FHIT: variants seen among roughly 807,000 people sequenced by gnomAD.
FHIT encodes fragile histidine triad diadenosine triphosphatase.
A neutral mutation model predicts 17.9 loss-of-function variants in FHIT; 19 were observed. That is an observed-to-expected ratio of 1.06 (90% CI 0.74 to 1.56). FHIT has a LOEUF of 1.56. Ranked by LOEUF, FHIT falls within the 40% of genes most tolerant of loss-of-function variation. FHIT has a pLI of 0.00. For synonymous variants in FHIT, 81 were observed against 69.7 expected (o/e 1.16, Z -0.81); for missense variants, 248 against 189.2 (o/e 1.31, Z -1.82).
At chr3:61,086,178 A>G (rs1413722274) in intron 2 of FHIT, among the ~76,000 whole-genome samples, 1 of 152,134 alleles carries the variant, frequency 6.6e-6, no homozygotes, top group Non-Finnish European at 1.5e-5. Context: ...TCTCAGACCT[A>G]ATCTTAGGGC....
chr3:60,201,353 T>C (rs1702896555), intron 5 of FHIT, among the ~76,000 whole-genome samples: 1 of 152,096 alleles, frequency 6.6e-6, no homozygotes, highest in Non-Finnish European at 1.5e-5. Context: ...CACAATACTA[T>C]CTATTTTTTA....
At chr3:59,996,380 CCTGA>C (rs1699512134) in intron 7 of FHIT, among the ~76,000 whole-genome samples, 1 of 151,992 alleles carries the variant, frequency 6.6e-6, no homozygotes, top group Non-Finnish European at 1.5e-5. Flanking sequence ...TACAATCTTC[CCTGA>C]CTATTTAGTT....
intron 4 of FHIT, among the ~76,000 whole-genome samples, chr3:60,714,883 T>C (rs1458258155): frequency 1.3e-5 from 2 of 152,150 alleles, no homozygotes; most frequent in African/African-American, 2.4e-5. Flanking sequence ...AGATTCAATG[T>C]CATCCCCATC....
At chr3:60,450,099 T>C (rs112133033) in intron 5 of FHIT, among the ~76,000 whole-genome samples, 93 of 150,972 alleles carry the variant, frequency 6.2e-4, no homozygotes, top group African/African-American at 2.2e-3. Flanking sequence ...GGACTAGAAA[T>C]TGTTCTGGGT....
intron 4 of FHIT, among the ~76,000 whole-genome samples, chr3:60,751,318 C>T (rs2042461748): frequency 6.6e-6 from 1 of 152,196 alleles, no homozygotes; most frequent in Admixed American, 6.5e-5. Context: ...TAGAGTGAGA[C>T]AGCACCAAAT....
intron 2 of FHIT, among the ~76,000 whole-genome samples, chr3:61,071,373 A>G (rs2034800862): frequency 6.6e-6 from 1 of 152,116 alleles, no homozygotes; most frequent in Non-Finnish European, 1.5e-5. Flanking sequence ...TAAAACATAT[A>G]TTTCCTGACC....
chr3:61,223,301 G>A (rs2106835335), intron 1 of FHIT, among the ~76,000 whole-genome samples: 1 of 152,212 alleles, frequency 6.6e-6, no homozygotes, highest in Non-Finnish European at 1.5e-5. Context: ...TGTTTTCAAG[G>A]ACTGACCATG....
chr3:59,974,364 C>A (rs1214845825), intron 7 of FHIT, among the ~76,000 whole-genome samples: 3 of 152,156 alleles, frequency 2.0e-5, no homozygotes, highest in Admixed American at 1.3e-4. Flanking sequence ...TTAAACACTG[C>A]TTCTAAATGT....
intron 2 of FHIT, among the ~76,000 whole-genome samples, chr3:61,067,533 A>G (rs60944658): frequency 0.021 from 3,180 of 148,204 alleles, 104 homozygotes; most frequent in African/African-American, 0.073. Context: ...ATTGGGGGTC[A>G]GCCACATAGA....
intron 4 of FHIT, among the ~76,000 whole-genome samples, chr3:60,632,373 A>G (rs759102377): frequency 1.3e-5 from 2 of 152,184 alleles, no homozygotes; most frequent in Non-Finnish European, 2.9e-5. Context: ...TCTCTTCCGA[A>G]CAACTATCTT....
At chr3:60,199,973 G>A (rs1310332288) in intron 5 of FHIT, among the ~76,000 whole-genome samples, 1 of 152,068 alleles carries the variant, frequency 6.6e-6, no homozygotes, top group Non-Finnish European at 1.5e-5. Context: ...TTGTACTAGG[G>A]TTTTTATTCT....
intron 5 of FHIT, among the ~76,000 whole-genome samples, chr3:60,529,413 A>C (rs534794522): frequency 2.3e-4 from 35 of 152,324 alleles, no homozygotes; most frequent in African/African-American, 8.4e-4. Flanking sequence ...TGTGCATGAA[A>C]TATAAAAGAA....
At chr3:59,789,378 G>C (rs971122977) in intron 8 of FHIT, among the ~76,000 whole-genome samples, 4 of 152,078 alleles carry the variant, frequency 2.6e-5, no homozygotes, top group African/African-American at 9.7e-5. Flanking sequence ...AAATTAAAAT[G>C]GTTTCTACTG....
intron 8 of FHIT, among the ~76,000 whole-genome samples, chr3:59,840,253 A>G (rs1369325218): frequency 6.6e-6 from 1 of 152,090 alleles, no homozygotes; most frequent in Non-Finnish European, 1.5e-5. Flanking sequence ...ATTATAAGAT[A>G]ATGTCTTATT....
chr3:60,955,612 A>ATACATATATATATATACG (rs1709096818), intron 3 of FHIT, among the ~76,000 whole-genome samples: 1 of 9,752 alleles, frequency 1.0e-4, no homozygotes, highest in Non-Finnish European at 3.9e-4. Flanking sequence ...ATATATATAT[A>ATACATATATATATATACG]TATATATATA....
intron 8 of FHIT, among the ~76,000 whole-genome samples, chr3:59,774,912 C>A (rs113523698): frequency 2.6e-5 from 4 of 152,136 alleles, no homozygotes; most frequent in African/African-American, 7.2e-5. Context: ...CAAGTGTAGT[C>A]TATAGACCAG....
chr3:59,969,837 T>G (rs1708096859), intron 7 of FHIT, among the ~76,000 whole-genome samples: 1 of 152,110 alleles, frequency 6.6e-6, no homozygotes, highest in Non-Finnish European at 1.5e-5. Flanking sequence ...TGTCTGATAC[T>G]GCAGAGGCCA....
intron 1 of FHIT, among the ~76,000 whole-genome samples, chr3:61,214,502 G>A (rs535939742): frequency 1.3e-3 from 205 of 152,304 alleles, no homozygotes; most frequent in African/African-American, 4.4e-3. Context: ...CTCTGAAATT[G>A]TGGCAATAAT....
intron 4 of FHIT, among the ~76,000 whole-genome samples, chr3:60,546,906 T>C (rs950712158): frequency 2.0e-5 from 3 of 152,206 alleles, no homozygotes; most frequent in African/African-American, 7.2e-5. Flanking sequence ...AGTCTACCTC[T>C]TTTTTAATTG....
Sources: gnomAD v4.1 joint callset for allele counts (sites outside exome capture counted in the v4.1 genomes callset) on GRCh38, gnomAD v4.1.1 for gene constraint, MANE v1.5 for transcripts, NCBI Gene and HGNC (gene_info 2026-07-23, HGNC 2026-07-21) for gene names.